DTD1: variants seen among roughly 807,000 people sequenced by gnomAD.
The protein encoded by DTD1 is D-tyrosyl-tRNA deacylase 1 homolog.
In DTD1, 13 loss-of-function variants were observed where a neutral mutation model predicts 25.6. That is an observed-to-expected ratio of 0.51 (90% CI 0.33 to 0.81). The LOEUF (loss-of-function observed/expected upper bound fraction) is 0.81, where lower values mean the gene tolerates loss of function less well. DTD1 is among the 30% of genes least tolerant of loss of function. DTD1 has a pLI of 0.02. For missense variants in DTD1, 193 were observed against 266.4 expected, an observed-to-expected ratio of 0.72 and a Z score of 1.92; for synonymous variants, 110 against 103.6, an observed-to-expected ratio of 1.06 and a Z score of -0.37.
intron 4 of DTD1, chr20:18,643,247 TG>T: frequency 3.1e-6 from 1 of 324,298 alleles, no homozygotes; most frequent in South Asian, 2.7e-5. Flanking sequence ...ATTTGTTCTC[TG>T]GAATCAATCC....
At chr20:18,660,359 A>G (rs1223743495) in intron 4 of DTD1, among the ~76,000 whole-genome samples, 1 of 152,070 alleles carries the variant, frequency 6.6e-6, no homozygotes, top group African/African-American at 2.4e-5. Flanking sequence ...AGCTGGGACT[A>G]TAGGTGCACA....
At position 18,603,726 on chromosome 20, in the gene DTD1, C is replaced by T. The variant is rs1311155936; in HGVS notation, c.370+7485C>T. On this transcript the variant is annotated intron_variant, in intron 3 of 5. Coordinates refer to ENST00000377452, the MANE Select transcript of DTD1 (RefSeq NM_080820.6). ...AAATAAAGACGTTCTTTGAAACCAA[C>T]GAGAACAAAGACACAATATACCAGA... 6.0e-5 allele frequency among the ~76,000 whole-genome samples: 8 copies of T among 132,870 alleles called. 2 individuals carry two copies. The highest frequency in any genetic ancestry group is 2.0e-4 in the African/African-American group (7 of 35,704). 87.2% of individuals were successfully genotyped at this position (132,870 alleles called of 152,430 possible). A position where few individuals can be genotyped will look rare whatever the true frequency, so the allele number is the denominator to read the frequency against.
chr20:18,660,246 G>A (rs1170828086), intron 4 of DTD1, among the ~76,000 whole-genome samples: 1 of 152,096 alleles, frequency 6.6e-6, no homozygotes, highest in Admixed American at 6.5e-5. Context: ...TTGAGATAGG[G>A]TCTCGTTCTG....
At chr20:18,613,113 G>A (rs529992117) in intron 3 of DTD1, among the ~76,000 whole-genome samples, 1 of 152,304 alleles carries the variant, frequency 6.6e-6, no homozygotes, top group Non-Finnish European at 1.5e-5. Flanking sequence ...TCCTTTCTGA[G>A]CAGGATGTTC....
intron 5 of DTD1, among the ~76,000 whole-genome samples, chr20:18,750,650 T>A (rs2061318229): frequency 6.6e-6 from 1 of 152,236 alleles, no homozygotes; most frequent in Non-Finnish European, 1.5e-5. Flanking sequence ...CAAGTGGACA[T>A]GAAACTGCTA....
chr20:18,744,382 A>G (rs2061291320), intron 5 of DTD1, 111 bp downstream of exon 5: 2 of 1,193,654 alleles, frequency 1.7e-6, no homozygotes, highest in Admixed American at 2.7e-5. Flanking sequence ...GTTCATCCAT[A>G]GCTTCCTTAA....
intron 1 of DTD1, chr20:18,588,941 C>T (rs983888467): frequency 3.4e-6 from 3 of 892,060 alleles, no homozygotes; most frequent in African/African-American, 3.6e-5. Flanking sequence ...TGTCTTTAGT[C>T]TTTTCTGTCT....
intron 4 of DTD1, among the ~76,000 whole-genome samples, chr20:18,708,998 C>T (rs2061147572): frequency 1.3e-5 from 2 of 152,212 alleles, no homozygotes; most frequent in African/African-American, 2.4e-5. Flanking sequence ...GCCACTGCTG[C>T]GTCCCTTCTT....
At chr20:18,675,681 T>C (rs1600358860) in intron 4 of DTD1, 1 of 151,206 alleles carries the variant, frequency 6.6e-6, no homozygotes, top group East Asian at 2.0e-4. Context: ...AAAATGGTTT[T>C]AGTCTTTTTT....
At position 18,632,833 on chromosome 20, in the gene DTD1, ATGTG is replaced by A. The variant is rs373571755; in HGVS notation, c.477+4608_477+4611del. On this transcript the variant is annotated intron_variant, in intron 4 of 5. Transcript: ENST00000377452. Reference sequence around the variant, plus strand: ...TGTGTGCATATGTGTATGTGTGTGTATGTGTGTGTGTATATGTGATGTGTGTGCC... The same window carrying A: ...TGTGTGCATATGTGTATGTGTGTGTATGTGTGTATATGTGATGTGTGTGCC... 63 of 248,490 alleles carry A rather than the reference ATGTG, an allele frequency of 2.5e-4. No homozygotes were observed. The East Asian group carries it at 8.5e-3, about 34-fold the overall frequency. The allele number at this position is 248,490 out of a possible 1,614,324, so 15.4% of individuals were successfully genotyped here. A position where few individuals can be genotyped will look rare whatever the true frequency, so the allele number is the denominator to read the frequency against.
intron 4 of DTD1, among the ~76,000 whole-genome samples, chr20:18,642,092 A>G (rs997821615): frequency 6.6e-6 from 1 of 152,204 alleles, no homozygotes; most frequent in South Asian, 2.1e-4. Flanking sequence ...GGAGACCAGT[A>G]TCAGGGACTT....
chr20:18,727,760 T>C (rs1031581059), intron 4 of DTD1, among the ~76,000 whole-genome samples: 6 of 152,214 alleles, frequency 3.9e-5, no homozygotes, highest in African/African-American at 1.4e-4. Flanking sequence ...TATGTGACCT[T>C]TGTGCATGGC....
In DTD1 at chr20:18,608,081, CT is replaced by C. The variant is rs879927929; in HGVS notation, c.370+11850del. Among the ~76,000 whole-genome samples the C allele has an allele frequency of 1.2e-4, 18 of 145,504 alleles. No homozygotes were observed. In the East Asian group the frequency reaches 2.4e-3, roughly 19 times the overall value. The stretch of plus-strand genomic sequence containing the variant: ...CAAGAAATTGGTCTTTTCTTAATTT[CT>C]TTTTTTTTTCTTTGGGAACCCTGAG... On this transcript the variant is annotated intron_variant, in intron 3 of 5. Transcript: ENST00000377452.
intron 4 of DTD1, among the ~76,000 whole-genome samples, chr20:18,725,990 G>T (rs530725544): frequency 6.6e-6 from 1 of 152,198 alleles, no homozygotes; most frequent in Non-Finnish European, 1.5e-5. Context: ...GGGTACTGTG[G>T]TCAGTTCTAG....
chr20:18,651,636 A>G (rs2060874392), intron 4 of DTD1, among the ~76,000 whole-genome samples: 1 of 152,228 alleles, frequency 6.6e-6, no homozygotes, highest in African/African-American at 2.4e-5. Context: ...GTCCCAGCAT[A>G]GGCTGAGCCC....
chr20:18,691,368 G>C (rs2061046596), intron 4 of DTD1, among the ~76,000 whole-genome samples: 1 of 152,156 alleles, frequency 6.6e-6, no homozygotes, highest in African/African-American at 2.4e-5. Flanking sequence ...AATAATCTAA[G>C]TGCCCATCAG....
chr20:18,704,278 G>A (rs1228799453), intron 4 of DTD1, among the ~76,000 whole-genome samples: 4 of 152,180 alleles, frequency 2.6e-5, no homozygotes, highest in East Asian at 3.9e-4. Context: ...GGGATTACAG[G>A]TGTGAGCCAC....
intron 5 of DTD1, among the ~76,000 whole-genome samples, chr20:18,756,867 G>A (rs1298289979): frequency 2.0e-5 from 3 of 151,832 alleles, no homozygotes; most frequent in Non-Finnish European, 2.9e-5. Context: ...GGGCAGTATG[G>A]CCATTTTCAC....
At chr20:18,708,281 TATATTATATATATATA>T in intron 4 of DTD1, among the ~76,000 whole-genome samples, 2 of 38,978 alleles carry the variant, frequency 5.1e-5, no homozygotes, top group African/African-American at 1.7e-4. Context: ...ATATATAATA[TATATTATATATATATA>T]ATATATATAT....
Sources: gnomAD v4.1 joint callset for allele counts (sites outside exome capture counted in the v4.1 genomes callset) on GRCh38, gnomAD v4.1.1 for gene constraint, MANE v1.5 for transcripts, NCBI Gene and HGNC (gene_info 2026-07-23, HGNC 2026-07-21) for gene names.